The following TGFBR2 variants were observed in gnomAD, a reference collection of about 807,000 sequenced individuals.
TGFBR2 encodes the protein TGF-beta receptor type-2.
In TGFBR2, 18 loss-of-function variants were observed where a neutral mutation model predicts 49.0. The observed-to-expected ratio is 0.37, with a 90% confidence interval of 0.25 to 0.54. The LOEUF is 0.54. Among genes scored for constraint, TGFBR2 ranks in the 20% least tolerant of loss-of-function variants. The pLI is 0.85. For missense variants in TGFBR2, 525 were observed against 722.6 expected (o/e 0.73, Z 3.13); for synonymous variants, 282 against 275.9 (o/e 1.02, Z -0.22).
intron 3 of TGFBR2, among the ~76,000 whole-genome samples, chr3:30,655,357 A>T (rs17838704): frequency 2.0e-5 from 3 of 152,098 alleles, no homozygotes; most frequent in Non-Finnish European, 4.4e-5. Flanking sequence ...AAGGTTTTGG[A>T]GGGGCTCACT....
intron 3 of TGFBR2, among the ~76,000 whole-genome samples, chr3:30,662,545 C>T (rs908976621): frequency 6.6e-6 from 1 of 152,174 alleles, no homozygotes; most frequent in African/African-American, 2.4e-5. Context: ...CAAAATATAT[C>T]CAGAATGTCA....
chr3:30,613,478 A>G (rs1307865270), intron 1 of TGFBR2, among the ~76,000 whole-genome samples: 2 of 151,906 alleles, frequency 1.3e-5, no homozygotes, highest in East Asian at 1.9e-4. Flanking sequence ...CAATCTCTGC[A>G]CGAGGGTTGT....
At chr3:30,651,624 C>T (rs977956988) in intron 3 of TGFBR2, among the ~76,000 whole-genome samples, 5 of 152,164 alleles carry the variant, frequency 3.3e-5, no homozygotes, top group African/African-American at 1.2e-4. Flanking sequence ...GATGGATTGT[C>T]TTCAGTTTTT....
intron 3 of TGFBR2, among the ~76,000 whole-genome samples, chr3:30,650,977 G>C (rs1218895420): frequency 6.6e-6 from 1 of 151,946 alleles, no homozygotes; most frequent in African/African-American, 2.4e-5. Flanking sequence ...TTGTCTTTAG[G>C]GTACTTGTCA....
intron 5 of TGFBR2, among the ~76,000 whole-genome samples, chr3:30,677,297 G>A (rs1028665077): frequency 7.9e-5 from 12 of 152,180 alleles, no homozygotes; most frequent in Non-Finnish European, 1.2e-4. Context: ...TCCCAAGGAA[G>A]GAACAGGATA....
chr3:30,690,753 A>G (rs1423442983), intron 6 of TGFBR2, among the ~76,000 whole-genome samples: 4 of 152,214 alleles, frequency 2.6e-5, no homozygotes, highest in Non-Finnish European at 5.9e-5. Context: ...AATAAGTGGA[A>G]TGCAGGGAAT....
chr3:30,667,854 A>G (rs1699270406), intron 3 of TGFBR2, among the ~76,000 whole-genome samples: 1 of 152,228 alleles, frequency 6.6e-6, no homozygotes, highest in African/African-American at 2.4e-5. Flanking sequence ...AAAATTGACT[A>G]CATATTCACA....
At chr3:30,681,308 A>G (rs1699536048) in intron 5 of TGFBR2, among the ~76,000 whole-genome samples, 2 of 152,014 alleles carry the variant, frequency 1.3e-5, no homozygotes, top group Non-Finnish European at 2.9e-5. Context: ...ATTTCAAGGG[A>G]GCACAGTCTG....
At chr3:30,679,680 T>C (rs563947446) in intron 5 of TGFBR2, among the ~76,000 whole-genome samples, 1 of 152,344 alleles carries the variant, frequency 6.6e-6, no homozygotes, top group East Asian at 1.9e-4. Flanking sequence ...TGTACTGTTA[T>C]TAATCCCATT....
chr3:30,663,987 G>T (rs1453369958), intron 3 of TGFBR2, among the ~76,000 whole-genome samples: 190 of 133,370 alleles, frequency 1.4e-3, no homozygotes, highest in Non-Finnish European at 2.5e-3. Flanking sequence ...TTGGGGGGGG[G>T]AGTTGGGGGG....
chr3:30,662,792 C>A (rs1699158990), intron 3 of TGFBR2, among the ~76,000 whole-genome samples: 1 of 152,164 alleles, frequency 6.6e-6, no homozygotes. Flanking sequence ...TGTACCAGAG[C>A]TTTGCAAACA....
intron 1 of TGFBR2, among the ~76,000 whole-genome samples, chr3:30,615,505 A>G (rs1240696192): frequency 6.6e-6 from 1 of 152,238 alleles, no homozygotes; most frequent in African/African-American, 2.4e-5. Flanking sequence ...ATTCAAGAAT[A>G]AATTACAAAT....
chr3:30,631,537 A>G (rs1575137760), intron 1 of TGFBR2, among the ~76,000 whole-genome samples: 1 of 152,074 alleles, frequency 6.6e-6, no homozygotes, highest in East Asian at 1.9e-4. Flanking sequence ...TGCCCAGTTT[A>G]AGGGCAGATT....
At chr3:30,686,903 GATTCATTC>G (rs994294185) in intron 5 of TGFBR2, among the ~76,000 whole-genome samples, 5 of 152,100 alleles carry the variant, frequency 3.3e-5, no homozygotes, top group African/African-American at 7.2e-5. Flanking sequence ...GAGAATCTAA[GATTCATTC>G]ATTCATTCAT....
intron 1 of TGFBR2, among the ~76,000 whole-genome samples, chr3:30,637,941 A>G (rs1698569301): frequency 6.6e-6 from 1 of 152,242 alleles, no homozygotes; most frequent in African/African-American, 2.4e-5. Context: ...ATACCTGTTT[A>G]CAACACAGCA....
chr3:30,669,467 C>A (rs560570374), intron 3 of TGFBR2, among the ~76,000 whole-genome samples: 1 of 151,998 alleles, frequency 6.6e-6, no homozygotes, highest in Non-Finnish European at 1.5e-5. Context: ...GCGGAAAGGA[C>A]GGGCCAGTGG....
chr3:30,650,571 G>A, intron 3 of TGFBR2, 111 bp downstream of exon 3: 1 of 1,174,616 alleles, frequency 8.5e-7, no homozygotes, highest in Non-Finnish European at 1.3e-6. Context: ...TGCATACAGT[G>A]GATTAGGAGC....
chr3:30,610,063 G>T (rs1282395074), intron 1 of TGFBR2, among the ~76,000 whole-genome samples: 1 of 152,058 alleles, frequency 6.6e-6, no homozygotes, highest in African/African-American at 2.4e-5. Context: ...GATCAATAAG[G>T]CACCTCTGAT....
intron 5 of TGFBR2, among the ~76,000 whole-genome samples, chr3:30,678,634 T>C (rs1373601900): frequency 6.6e-6 from 1 of 150,436 alleles, no homozygotes; most frequent in Non-Finnish European, 1.5e-5. Flanking sequence ...TGAAAACAGC[T>C]AATCTACATG....
Sources: gnomAD v4.1 joint callset for allele counts (sites outside exome capture counted in the v4.1 genomes callset) on GRCh38, gnomAD v4.1.1 for gene constraint, MANE v1.5 for transcripts, NCBI Gene and HGNC (gene_info 2026-07-23, HGNC 2026-07-21) for gene names.